CMKLR1: variants seen among roughly 807,000 people sequenced by gnomAD.
CMKLR1 encodes the protein chemerin-like receptor 1.
A neutral mutation model predicts 8.2 loss-of-function variants in CMKLR1; 6 were observed. That is an observed-to-expected ratio of 0.73 (90% CI 0.40 to 1.44). The LOEUF is 1.44. Ranked by LOEUF, CMKLR1 falls within the 40% of genes most tolerant of loss-of-function variation. CMKLR1 has a pLI of 0.02. For missense variants in CMKLR1, 429 were observed against 478.0 expected, an observed-to-expected ratio of 0.90 and a Z score of 0.96; for synonymous variants, 178 against 181.2, an observed-to-expected ratio of 0.98 and a Z score of 0.14.
At chr12:108,319,314 C>T (rs1256613745) in intron 2 of CMKLR1, among the ~76,000 whole-genome samples, 2 of 152,186 alleles carry the variant, frequency 1.3e-5, no homozygotes, top group Non-Finnish European at 2.9e-5. Flanking sequence ...ACCACCCCTA[C>T]CTCACAGGTG....
At chr12:108,305,548 C>T (rs1258586509) in intron 2 of CMKLR1, among the ~76,000 whole-genome samples, 1 of 152,184 alleles carries the variant, frequency 6.6e-6, no homozygotes, top group African/African-American at 2.4e-5. Context: ...CTCCTACCCT[C>T]CAGGGCAGAG....
chr12:108,330,772 G>A (rs1892086047), intron 1 of CMKLR1, among the ~76,000 whole-genome samples: 1 of 152,194 alleles, frequency 6.6e-6, no homozygotes, highest in Non-Finnish European at 1.5e-5. Context: ...TAGCAGGACT[G>A]GGAGCAGAAG....
At chr12:108,308,408 T>A (rs1891460806) in intron 2 of CMKLR1, among the ~76,000 whole-genome samples, 1 of 152,186 alleles carries the variant, frequency 6.6e-6, no homozygotes, top group East Asian at 1.9e-4. Flanking sequence ...CCTTCCCAGC[T>A]CTCTCTTCTG....
intron 2 of CMKLR1, among the ~76,000 whole-genome samples, chr12:108,313,302 G>T (rs1385935287): frequency 6.7e-6 from 1 of 149,452 alleles, no homozygotes; most frequent in Non-Finnish European, 1.5e-5. Flanking sequence ...ACAAAAAGCT[G>T]CTCGAAGACC....
chr12:108,303,566 G>T (rs1443535963), intron 2 of CMKLR1, among the ~76,000 whole-genome samples: 3 of 152,188 alleles, frequency 2.0e-5, no homozygotes, highest in Non-Finnish European at 2.9e-5. Context: ...CCATTCTGAA[G>T]GAATGCTCAG....
In CMKLR1 at chr12:108,289,715, C is replaced by T. The variant is rs1890907641; in HGVS notation, c.*2126G>A. ...AGCAATATTTAAAGCTCCCTTTTTGCTCTCAAACCGTCTATATTCAAACTC... is the reference window on the plus strand; with the variant it reads ...AGCAATATTTAAAGCTCCCTTTTTGTTCTCAAACCGTCTATATTCAAACTC... On this transcript the variant is annotated 3_prime_UTR_variant, in exon 4 of 4. Coordinates refer to ENST00000550402, the MANE Select transcript of CMKLR1 (RefSeq NM_001142343.2). 6.6e-6 allele frequency: 1 copy of T among 152,162 alleles called. No homozygotes were observed. Among genetic ancestry groups the T allele is most frequent in the South Asian group, 2.1e-4 (1 of 4,836 alleles). The allele number at this position is 152,162 out of a possible 1,614,324, so 9.4% of individuals were successfully genotyped here.
At chr12:108,295,466 G>A (rs1891109360) in intron 2 of CMKLR1, among the ~76,000 whole-genome samples, 1 of 152,246 alleles carries the variant, frequency 6.6e-6, no homozygotes, top group African/African-American at 2.4e-5. Context: ...CAGGGATGAG[G>A]ACATGGCCTT....
At chr12:108,308,448 T>C (rs1891462118) in intron 2 of CMKLR1, among the ~76,000 whole-genome samples, 1 of 152,026 alleles carries the variant, frequency 6.6e-6, no homozygotes, top group South Asian at 2.1e-4. Flanking sequence ...TGGTCCAGGG[T>C]AGCCCCGCCC....
chr12:108,307,368 G>A lies in CMKLR1; in HGVS notation c.-73-13704C>T, dbSNP rs569900076. 2.5e-4 allele frequency among the ~76,000 whole-genome samples: 30 copies of A among 119,056 alleles called. No individual in the cohort carries two copies. The East Asian group carries it at 3.5e-3, about 14-fold the overall frequency. The allele number at this position is 119,056 out of a possible 152,430, so 78.1% of individuals were successfully genotyped here. ...GGAGGCCCCACATGCCTCCAGAAGC[G>A]CCCCCTGAGAAGTCACTCTTCTCTT... On this transcript the variant is annotated intron_variant, in intron 2 of 3. Transcript: ENST00000550402.
intron 2 of CMKLR1, among the ~76,000 whole-genome samples, chr12:108,306,522 C>T (rs559019459): frequency 8.5e-5 from 13 of 152,310 alleles, no homozygotes; most frequent in African/African-American, 1.4e-4. Flanking sequence ...CAACAACTCA[C>T]AGCTGTGAGC....
intron 2 of CMKLR1, among the ~76,000 whole-genome samples, chr12:108,322,096 C>T (rs1891875120): frequency 6.6e-6 from 1 of 152,188 alleles, no homozygotes; most frequent in African/African-American, 2.4e-5. Context: ...GTATATGTTA[C>T]ATGAGGGGCT....
intron 2 of CMKLR1, among the ~76,000 whole-genome samples, chr12:108,314,552 A>G (rs922998081): frequency 3.9e-5 from 6 of 152,198 alleles, no homozygotes; most frequent in Non-Finnish European, 8.8e-5. Context: ...CTTTTCCTAG[A>G]TATGACTGTG....
At chr12:108,307,874 C>A (rs1891449431) in intron 2 of CMKLR1, among the ~76,000 whole-genome samples, 1 of 152,190 alleles carries the variant, frequency 6.6e-6, no homozygotes, top group Non-Finnish European at 1.5e-5. Flanking sequence ...GCATGTGGAC[C>A]ACCCAACATA....
chr12:108,306,380 C>T (rs554848455), intron 2 of CMKLR1, among the ~76,000 whole-genome samples: 5 of 143,762 alleles, frequency 3.5e-5, no homozygotes, highest in African/African-American at 1.2e-4. Flanking sequence ...TGACTAAGTT[C>T]TCGTTAATCA....
intron 2 of CMKLR1, among the ~76,000 whole-genome samples, chr12:108,323,729 A>G (rs906146843): frequency 2.0e-5 from 3 of 152,222 alleles, no homozygotes; most frequent in African/African-American, 7.2e-5. Flanking sequence ...CTCACAAACA[A>G]GCTTGGCTGG....
intron 2 of CMKLR1, among the ~76,000 whole-genome samples, chr12:108,327,168 G>T (rs10778625): frequency 6.6e-6 from 1 of 152,098 alleles, no homozygotes. Context: ...AAGACAGAGA[G>T]GGGGGTTGGC....
chr12:108,309,993 T>C (rs1891508364), intron 2 of CMKLR1, among the ~76,000 whole-genome samples: 1 of 152,164 alleles, frequency 6.6e-6, no homozygotes, highest in Non-Finnish European at 1.5e-5. Context: ...TGTGTGGCCC[T>C]GGCTCTGCAC....
At chr12:108,312,899 C>T (rs915502660) in intron 2 of CMKLR1, among the ~76,000 whole-genome samples, 32 of 152,176 alleles carry the variant, frequency 2.1e-4, no homozygotes, top group Admixed American at 1.7e-3. Context: ...GCTGGCCAGA[C>T]TCCCAGGGCA....
chr12:108,321,507 T>C (rs1891860863), intron 2 of CMKLR1, among the ~76,000 whole-genome samples: 1 of 152,028 alleles, frequency 6.6e-6, no homozygotes, highest in Non-Finnish European at 1.5e-5. Context: ...AAAATAAAGA[T>C]GGGATCCCAT....
Sources: allele counts gnomAD v4.1 joint callset (sites outside exome capture counted in the v4.1 genomes callset), GRCh38; gene constraint gnomAD v4.1.1; transcripts MANE v1.5; gene names NCBI Gene and HGNC (gene_info 2026-07-23, HGNC 2026-07-21).